SLC25A48: variants seen among roughly 807,000 people sequenced by gnomAD.
SLC25A48 encodes the protein solute carrier family 25 member 48.
In SLC25A48, 29 loss-of-function variants were observed where a neutral mutation model predicts 32.2. The observed-to-expected ratio is 0.90, with a 90% CI of 0.67 to 1.23. SLC25A48 has a LOEUF of 1.23. SLC25A48 is among the 50% of genes most tolerant of loss of function. The pLI is 0.00. For missense variants in SLC25A48, 399 were observed against 422.7 expected (o/e 0.94, Z 0.49); for synonymous variants, 164 against 172.3 (o/e 0.95, Z 0.38).
chr5:135,700,415 T>C (rs1201528192), intron 3 of SLC25A48, among the ~76,000 whole-genome samples: 1 of 142,518 alleles, frequency 7.0e-6, no homozygotes, highest in Non-Finnish European at 1.5e-5. Context: ...AAGAAAATGA[T>C]ATTGGACTGA....
chr5:135,888,154 G>C lies in SLC25A48; in HGVS notation c.*130G>C, dbSNP rs1462139233. 6.8e-7 allele frequency: 1 copy of C among 1,473,088 alleles called. No homozygotes were observed. Among genetic ancestry groups the C allele is most frequent in the East Asian group, 2.5e-5 (1 of 40,338 alleles). 91.3% of individuals were successfully genotyped at this position (1,473,088 alleles called of 1,614,324 possible). ...ACATCAATTAGCAAGCGTGGGCTAG[G>C]ATGGTGCAGACACTGACGTGGCCCT... On this transcript the variant is annotated 3_prime_UTR_variant, in exon 8 of 8. Transcript: ENST00000681962.
intron 2 of SLC25A48, among the ~76,000 whole-genome samples, chr5:135,848,463 T>G (rs1323755492): frequency 6.6e-6 from 1 of 152,218 alleles, no homozygotes; most frequent in Non-Finnish European, 1.5e-5. Context: ...AAGAAGACCT[T>G]GAAGGCCCAG....
At chr5:135,837,948 C>A (rs1394522989) in intron 1 of SLC25A48, among the ~76,000 whole-genome samples, 5 of 152,174 alleles carry the variant, frequency 3.3e-5, no homozygotes, top group Non-Finnish European at 7.3e-5. Context: ...AACTGGGTAA[C>A]AGGCAGATGT....
At chr5:135,730,649 G>A (rs184882963) in intron 3 of SLC25A48, among the ~76,000 whole-genome samples, 1 of 152,342 alleles carries the variant, frequency 6.6e-6, no homozygotes, top group Admixed American at 6.5e-5. Context: ...CTGGGTAACA[G>A]GCAGAGGTTG....
At chr5:135,885,138 A>C (rs989993231) in intron 7 of SLC25A48, among the ~76,000 whole-genome samples, 2 of 152,106 alleles carry the variant, frequency 1.3e-5, no homozygotes, top group African/African-American at 4.8e-5. Context: ...TTGTTGGGAC[A>C]CATAAGTATG....
rs371168667 is a variant in SLC25A48, at chr5:135,870,805, T to C, written c.422-656T>C. 7.7e-4 allele frequency among the ~76,000 whole-genome samples: 117 copies of C among 152,158 alleles called. 1 individual carries two copies. Among genetic ancestry groups the C allele is most frequent in the African/African-American group, 2.5e-3 (104 of 41,534 alleles). On this transcript the variant is annotated intron_variant, in intron 4 of 7. Coordinates refer to ENST00000681962, the MANE Select transcript of SLC25A48 (RefSeq NM_001349336.2). The stretch of plus-strand genomic sequence containing the variant: ...GCACTCATGACAAGCTCCCCCTCTT[T>C]TAACATAAGGAAATGGGCTGAAAAT...
At chr5:135,743,840 T>C (rs73789118) in intron 3 of SLC25A48, among the ~76,000 whole-genome samples, 6,956 of 152,260 alleles carry the variant, frequency 0.046, 302 homozygotes, top group African/African-American at 0.11. Context: ...CCTAAACCTT[T>C]GAAGATGAAT....
intron 3 of SLC25A48, chr5:135,742,410 A>G: frequency 5.1e-6 from 7 of 1,360,424 alleles, no homozygotes; most frequent in Non-Finnish European, 6.8e-6. Flanking sequence ...AGCCATCACG[A>G]CCCTCAGATA....
intron 3 of SLC25A48, among the ~76,000 whole-genome samples, chr5:135,694,278 C>G (rs571139276): frequency 6.6e-6 from 1 of 152,182 alleles, no homozygotes; most frequent in Non-Finnish European, 1.5e-5. Context: ...GTGTCCCGCC[C>G]ACACAGGCTT....
At chr5:135,758,321 C>T (rs1159206579) in intron 3 of SLC25A48, among the ~76,000 whole-genome samples, 1 of 150,736 alleles carries the variant, frequency 6.6e-6, no homozygotes, top group Non-Finnish European at 1.5e-5. Context: ...AGTGTTAACA[C>T]ACTGTGGTAT....
chr5:135,674,758 G>A (rs1356672509), intron 3 of SLC25A48, among the ~76,000 whole-genome samples: 1 of 151,940 alleles, frequency 6.6e-6, no homozygotes, highest in Non-Finnish European at 1.5e-5. Context: ...GGACATTTAG[G>A]TTGATTCCAT....
intron 3 of SLC25A48, among the ~76,000 whole-genome samples, chr5:135,791,699 G>A (rs931869461): frequency 2.6e-4 from 39 of 151,380 alleles, no homozygotes; most frequent in African/African-American, 6.5e-4. Context: ...ATTCACATTG[G>A]GGGTACACAC....
chr5:135,839,129 T>C (rs4447978), intron 1 of SLC25A48, among the ~76,000 whole-genome samples: 115,617 of 152,200 alleles, frequency 0.76, 44,309 homozygotes, highest in Middle Eastern at 0.86. Flanking sequence ...GTTTCTTCCC[T>C]GATGGTGACC....
chr5:135,641,670 T>A (rs564836665), intron 3 of SLC25A48, among the ~76,000 whole-genome samples: 23 of 152,330 alleles, frequency 1.5e-4, no homozygotes, highest in Middle Eastern at 6.8e-3. Context: ...TGAATCTTAT[T>A]CCCTTGCTTA....
intron 1 of SLC25A48, among the ~76,000 whole-genome samples, chr5:135,606,875 A>C (rs1321099735): frequency 2.0e-5 from 3 of 152,186 alleles, no homozygotes; most frequent in African/African-American, 7.2e-5. Flanking sequence ...AGTTCAGAGG[A>C]GCAATAAAAT....
At chr5:135,883,649 C>T (rs990078894) in intron 7 of SLC25A48, among the ~76,000 whole-genome samples, 4 of 152,194 alleles carry the variant, frequency 2.6e-5, no homozygotes, top group East Asian at 3.9e-4. Context: ...CAGCAGAGGG[C>T]GTAGTGGTTG....
chr5:135,597,943 G>A (rs1751694326), intron 1 of SLC25A48, among the ~76,000 whole-genome samples: 1 of 152,140 alleles, frequency 6.6e-6, no homozygotes, highest in African/African-American at 2.4e-5. Flanking sequence ...GACGGAAGTT[G>A]CAGTGAGCTG....
At chr5:135,714,769 A>G (rs1754755395) in intron 3 of SLC25A48, 1 of 152,326 alleles carries the variant, frequency 6.6e-6, no homozygotes. Flanking sequence ...ATCCTATTCT[A>G]TAGATGGAGC....
At chr5:135,650,704 C>T (rs1005036423) in intron 3 of SLC25A48, among the ~76,000 whole-genome samples, 5 of 152,102 alleles carry the variant, frequency 3.3e-5, no homozygotes, top group Admixed American at 2.0e-4. Flanking sequence ...TGTTTTTTAA[C>T]GGTGGTTTGC....
Sources: gnomAD v4.1 joint callset for allele counts (sites outside exome capture counted in the v4.1 genomes callset) on GRCh38, gnomAD v4.1.1 for gene constraint, MANE v1.5 for transcripts, NCBI Gene and HGNC (gene_info 2026-07-23, HGNC 2026-07-21) for gene names.